The following SNX30 variants were observed in gnomAD, a reference collection of about 807,000 sequenced individuals.
SNX30 encodes sorting nexin family member 30.
In SNX30, 24 loss-of-function variants were observed where a neutral mutation model predicts 46.4. The ratio of observed to expected loss-of-function variants is 0.52; its 90% CI spans 0.37 to 0.73. The LOEUF is 0.73. SNX30 is among the 30% of genes least tolerant of loss of function. The pLI, the probability that SNX30 is intolerant of heterozygous loss-of-function variation, is 0.00. For missense variants in SNX30, 533 were observed against 555.7 expected (o/e 0.96, Z 0.41); for synonymous variants, 189 against 211.5 (o/e 0.89, Z 0.92).
intron 1 of SNX30, among the ~76,000 whole-genome samples, chr9:112,768,877 G>A (rs965967860): frequency 6.6e-6 from 1 of 151,806 alleles, no homozygotes; most frequent in South Asian, 2.1e-4. Context: ...GGCTGGTCTC[G>A]AACTCCCAAC....
At chr9:112,865,325 C>G (rs930669777) in intron 8 of SNX30, among the ~76,000 whole-genome samples, 16 of 151,938 alleles carry the variant, frequency 1.1e-4, no homozygotes, top group African/African-American at 3.6e-4. Context: ...ATTCGTATGT[C>G]CAGCAAACCA....
chr9:112,754,755 C>CT (rs1466252561), intron 1 of SNX30, among the ~76,000 whole-genome samples: 2 of 152,092 alleles, frequency 1.3e-5, no homozygotes, highest in Non-Finnish European at 2.9e-5. Flanking sequence ...CCTTACTCTC[C>CT]TTTTTTAACT....
chr9:112,773,261 G>A (rs1418192964), intron 1 of SNX30, among the ~76,000 whole-genome samples: 1 of 152,124 alleles, frequency 6.6e-6, no homozygotes. Flanking sequence ...GTTAATAATA[G>A]TACCTGTCTC....
Position 112,865,661 on chromosome 9 carries a change from A to ATATGTGTG in SNX30, c.1254+1263_1254+1264insATGTGTGT. 6.6e-4 allele frequency among the ~76,000 whole-genome samples: 70 copies of ATATGTGTG among 105,684 alleles called. 2 individuals are homozygous for ATATGTGTG. Among genetic ancestry groups the ATATGTGTG allele is most frequent in the African/African-American group, 2.5e-3 (67 of 26,348 alleles). The allele number at this position is 105,684 out of a possible 152,430, so 69.3% of individuals were successfully genotyped here. A position where few individuals can be genotyped will look rare whatever the true frequency, so the allele number is the denominator to read the frequency against. Reference sequence around the variant, plus strand: ...TATATATATATATATATATATATATATGTATGTATGTATGCACACACACAC... The same window carrying ATATGTGTG: ...TATATATATATATATATATATATATATATGTGTGTGTATGTATGTATGCACACACACAC... On this transcript the variant is annotated intron_variant, in intron 8 of 8. Transcript: ENST00000374232.
intron 7 of SNX30, among the ~76,000 whole-genome samples, chr9:112,856,144 T>C (rs961575771): frequency 1.3e-5 from 2 of 152,028 alleles, no homozygotes; most frequent in African/African-American, 4.8e-5. Flanking sequence ...TTCCTAGTTA[T>C]CTTCAAAAAG....
chr9:112,826,246 G>A (rs554521396), intron 3 of SNX30, among the ~76,000 whole-genome samples: 3 of 152,228 alleles, frequency 2.0e-5, no homozygotes, highest in South Asian at 2.1e-4. Context: ...TAAAAGGGCC[G>A]TTTCTGCACT....
At chr9:112,782,854 C>G (rs544054026) in intron 1 of SNX30, among the ~76,000 whole-genome samples, 1 of 152,366 alleles carries the variant, frequency 6.6e-6, no homozygotes, top group Non-Finnish European at 1.5e-5. Flanking sequence ...TGTCTGACCA[C>G]TCACATTTAT....
rs991913003 is a variant in SNX30 at position 112,812,503 on chromosome 9, CT to C, written c.349-5200del. 1.6e-4 allele frequency among the ~76,000 whole-genome samples: 24 copies of C among 152,178 alleles called. 1 individual carries two copies. The highest frequency in any genetic ancestry group is 1.5e-5 in the Non-Finnish European group (1 of 68,038). On this transcript the variant is annotated intron_variant, in intron 2 of 8. Transcript: ENST00000374232. ...ACTCTTGACCAAGTGATCTGCCCAC[CT>C]TGGCCTCCCAAAGTGCTGGGATTAC...
downstream of SNX30, among the ~76,000 whole-genome samples, chr9:112,883,913 TCTCAAA>T (rs1841613971): frequency 6.6e-6 from 1 of 152,172 alleles, no homozygotes; most frequent in African/African-American, 2.4e-5. Context: ...GCCAGGCTGG[TCTCAAA>T]CTCCTGACCT....
chr9:112,871,557 G>C lies in SNX30; in HGVS notation c.*2714G>C, dbSNP rs1343620582. ...CCTGAGATCAGTACTCCTCTCTTAA[G>C]TATTTATTATTATTATTATTTACTT... On this transcript the variant is annotated 3_prime_UTR_variant, in exon 9 of 9. Coordinates refer to ENST00000374232, the MANE Select transcript of SNX30 (RefSeq NM_001012994.2). 6.6e-6 allele frequency: 1 copy of C among 151,910 alleles called. No homozygotes were observed. Among genetic ancestry groups the C allele is most frequent in the Admixed American group, 6.6e-5 (1 of 15,254 alleles). The allele number at this position is 151,910 out of a possible 1,614,324, so 9.4% of individuals were successfully genotyped here.
chr9:112,754,374 A>G lies in SNX30; in HGVS notation c.156+3217A>G, dbSNP rs542496430. Among the ~76,000 whole-genome samples, 83 of 149,290 alleles carry G rather than the reference A, an allele frequency of 5.6e-4. 1 individual carries two copies. In the South Asian group the frequency reaches 9.4e-3, roughly 17 times the overall value. Reference sequence around the variant, plus strand: ...CTATCTACCAGAGGTTGCCAGGACTAATTCTTTTGATGCCTGCTAAACTCA... The same window carrying G: ...CTATCTACCAGAGGTTGCCAGGACTGATTCTTTTGATGCCTGCTAAACTCA... On this transcript the variant is annotated intron_variant, in intron 1 of 8. Transcript: ENST00000374232.
downstream of SNX30, among the ~76,000 whole-genome samples, chr9:112,882,654 G>A (rs1463578421): frequency 2.0e-5 from 3 of 152,052 alleles, no homozygotes; most frequent in African/African-American, 7.2e-5. Context: ...TATTTTGGAG[G>A]TAGAATCAAT....
At chr9:112,810,658 A>G (rs909842557) in intron 2 of SNX30, among the ~76,000 whole-genome samples, 2 of 152,050 alleles carry the variant, frequency 1.3e-5, no homozygotes, top group Non-Finnish European at 2.9e-5. Flanking sequence ...GGAAGGAAAC[A>G]TTGCTTGCTT....
intron 5 of SNX30, 103 bp from the exon 6 acceptor site, chr9:112,838,395 C>A: frequency 1.1e-6 from 1 of 941,696 alleles, no homozygotes; most frequent in Non-Finnish European, 1.6e-6. Context: ...GCCAAAGAAA[C>A]ACATGTTCAT....
chr9:112,853,137 G>A (rs980400886), intron 7 of SNX30, among the ~76,000 whole-genome samples: 1 of 152,046 alleles, frequency 6.6e-6, no homozygotes, highest in African/African-American at 2.4e-5. Flanking sequence ...CATGTTTGTT[G>A]TGTTGATTCC....
In SNX30 at chr9:112,868,888, G is replaced by A. The variant is rs1564298945; in HGVS notation, c.*45G>A. The A allele has an allele frequency of 1.3e-6, 2 of 1,584,100 alleles. No homozygotes were observed. The highest frequency in any genetic ancestry group is 2.2e-5 in the East Asian group (1 of 44,726). ...GACTCTTCTACCTACACAGGGCCTGGCACCCTATACCGGAATGTCCCTGCA... is the reference window on the plus strand; with the variant it reads ...GACTCTTCTACCTACACAGGGCCTGACACCCTATACCGGAATGTCCCTGCA... On this transcript the variant is annotated 3_prime_UTR_variant, in exon 9 of 9. Transcript: ENST00000374232.
intron 3 of SNX30, among the ~76,000 whole-genome samples, chr9:112,825,186 A>G (rs866760712): frequency 1.6e-4 from 25 of 152,250 alleles, no homozygotes; most frequent in African/African-American, 5.8e-4. Flanking sequence ...ACAGTGGCTT[A>G]TAATTTTATA....
chr9:112,768,059 T>C (rs1374864338), intron 1 of SNX30, among the ~76,000 whole-genome samples: 1 of 152,242 alleles, frequency 6.6e-6, no homozygotes, highest in East Asian at 1.9e-4. Context: ...CATAAAGTGC[T>C]GCCTTGTATG....
At chr9:112,834,875 C>CCT (rs1840726017) in intron 4 of SNX30, among the ~76,000 whole-genome samples, 3 of 93,760 alleles carry the variant, frequency 3.2e-5, no homozygotes, top group African/African-American at 8.7e-5. Context: ...CACACACACA[C>CCT]ACACACACCT....
Sources: gnomAD v4.1 joint callset for allele counts (sites outside exome capture counted in the v4.1 genomes callset) on GRCh38, gnomAD v4.1.1 for gene constraint, MANE v1.5 for transcripts, NCBI Gene and HGNC (gene_info 2026-07-23, HGNC 2026-07-21) for gene names.